SCML2: variants seen among roughly 807,000 people sequenced by gnomAD.
The protein encoded by SCML2 is Scm polycomb group protein like 2.
In SCML2, 6 loss-of-function variants were observed where a neutral mutation model predicts 48.4. The observed-to-expected ratio is 0.12, with a 90% confidence interval of 0.07 to 0.24. SCML2 has a LOEUF of 0.24. SCML2 is among the 10% of genes least tolerant of loss of function. The pLI is 1.00. For synonymous variants in SCML2, 181 were observed against 189.5 expected (o/e 0.95, Z 0.37); for missense variants, 377 against 528.2 (o/e 0.71, Z 2.81).
intron 7 of SCML2, among the ~76,000 whole-genome samples, chrX:18,292,143 T>C (rs1049701948): frequency 8.9e-6 from 1 of 111,877 alleles, no homozygotes; most frequent in Admixed American, 9.5e-5. Flanking sequence ...TGGAAAACAA[T>C]TGTTTTTTTA....
At chrX:18,333,691 A>G (rs1344713092) in intron 2 of SCML2, among the ~76,000 whole-genome samples, 1 of 112,196 alleles carries the variant, frequency 8.9e-6, no homozygotes, top group Non-Finnish European at 1.9e-5. Flanking sequence ...GAAGGAAGAT[A>G]CAACACAAAG....
At chrX:18,333,065 C>G (rs1021588461) in intron 2 of SCML2, among the ~76,000 whole-genome samples, 64 of 110,560 alleles carry the variant, frequency 5.8e-4, no homozygotes, top group African/African-American at 2.0e-3. Context: ...CACTTGAGGT[C>G]AGGAGTTCGA....
At chrX:18,334,207 G>T (rs1391743649) in intron 1 of SCML2, 112 bp from the exon 2 acceptor site, 1 of 502,204 alleles carries the variant, frequency 2.0e-6, no homozygotes, top group Non-Finnish European at 3.2e-6. Flanking sequence ...AAACAAAAAT[G>T]ATAAGATTTG....
rs780523423 is a variant in SCML2 at position 18,262,337 on chromosome X, CTT to C, written c.949-2048_949-2047del. Among the ~76,000 whole-genome samples the C allele has an allele frequency of 8.5e-3, 665 of 78,411 alleles. 12 individuals carry two copies. The highest frequency in any genetic ancestry group is 0.029 in the African/African-American group (516 of 18,092). 68.1% of individuals were successfully genotyped at this position (78,411 alleles called of 115,157 possible). A position where few individuals can be genotyped will look rare whatever the true frequency, so the allele number is the denominator to read the frequency against. On this transcript the variant is annotated intron_variant, in intron 8 of 14. Coordinates refer to ENST00000251900, the MANE Select transcript of SCML2 (RefSeq NM_006089.3). The stretch of plus-strand genomic sequence containing the variant: ...CCAGTATGTTTGGATCTGGGTCTAC[CTT>C]TTTTTTTTTTTTTTTTTTTGAGATG...
intron 7 of SCML2, among the ~76,000 whole-genome samples, chrX:18,299,137 A>G (rs904969000): frequency 2.7e-5 from 3 of 111,790 alleles, no homozygotes; most frequent in African/African-American, 9.7e-5. Context: ...ATATTTGTAA[A>G]CTATTTATCC....
intron 11 of SCML2, among the ~76,000 whole-genome samples, chrX:18,249,500 T>C (rs912400116): frequency 4.5e-5 from 5 of 111,239 alleles, no homozygotes; most frequent in Non-Finnish European, 9.4e-5. Flanking sequence ...AAATTAGAGC[T>C]TGTTCTGTGT....
chrX:18,337,658 C>A (rs1168756653), intron 1 of SCML2, among the ~76,000 whole-genome samples: 1 of 111,387 alleles, frequency 9.0e-6, no homozygotes, highest in East Asian at 2.8e-4. Context: ...TAGATAAATC[C>A]ACTATTATAG....
intron 7 of SCML2, among the ~76,000 whole-genome samples, chrX:18,282,672 C>T (rs368583421): frequency 3.0e-4 from 33 of 111,355 alleles, no homozygotes; most frequent in Admixed American, 1.3e-3. Context: ...CAAAACTCTA[C>T]ACACACAAAT....
At chrX:18,306,260 T>C (rs1253898791) in intron 6 of SCML2, among the ~76,000 whole-genome samples, 2 of 110,559 alleles carry the variant, frequency 1.8e-5, no homozygotes, top group Non-Finnish European at 3.8e-5. Context: ...CCTAGATTCA[T>C]CCCTTTCACT....
At chrX:18,354,208 G>T (rs1249683231) in intron 1 of SCML2, among the ~76,000 whole-genome samples, 2 of 113,203 alleles carry the variant, frequency 1.8e-5, no homozygotes, top group Middle Eastern at 4.3e-3. Flanking sequence ...CCTCCGCCCC[G>T]CCACCCACCG....
intron 14 of SCML2, among the ~76,000 whole-genome samples, chrX:18,242,103 C>CT (rs1363878030): frequency 9.0e-6 from 1 of 111,704 alleles, no homozygotes; most frequent in African/African-American, 3.3e-5. Flanking sequence ...TCAACCCCTC[C>CT]TACTCATGGT....
intron 7 of SCML2, among the ~76,000 whole-genome samples, chrX:18,271,642 C>T (rs1457178142): frequency 3.2e-4 from 35 of 109,895 alleles, no homozygotes; most frequent in Admixed American, 3.0e-3. Context: ...CTGGGGGATA[C>T]ATTCTGAGAT....
intron 11 of SCML2, among the ~76,000 whole-genome samples, chrX:18,249,083 T>C (rs776788380): frequency 2.6e-3 from 294 of 111,818 alleles, no homozygotes; most frequent in Non-Finnish European, 4.4e-3. Flanking sequence ...AGAGAAGCAC[T>C]TCCAGGATGA....
At chrX:18,322,270 A>G (rs1929345637) in intron 5 of SCML2, among the ~76,000 whole-genome samples, 1 of 112,462 alleles carries the variant, frequency 8.9e-6, no homozygotes, top group Admixed American at 9.5e-5. Flanking sequence ...TATACATTTC[A>G]TATTTTTAAA....
chrX:18,300,547 T>G (rs1418878604), intron 7 of SCML2, among the ~76,000 whole-genome samples: 1 of 110,672 alleles, frequency 9.0e-6, no homozygotes, highest in Non-Finnish European at 1.9e-5. Context: ...TCCCAGCACT[T>G]TGGGAGGCCA....
intron 6 of SCML2, among the ~76,000 whole-genome samples, chrX:18,315,224 A>G (rs1929084063): frequency 9.0e-6 from 1 of 110,615 alleles, no homozygotes; most frequent in Non-Finnish European, 1.9e-5. Context: ...GGAAAAACCA[A>G]CATGAGTCAA....
intron 2 of SCML2, among the ~76,000 whole-genome samples, chrX:18,331,567 A>G (rs1334133742): frequency 9.0e-6 from 1 of 111,588 alleles, no homozygotes; most frequent in Non-Finnish European, 1.9e-5. Context: ...CTTAAGCATA[A>G]TATTTCTATT....
intron 11 of SCML2, among the ~76,000 whole-genome samples, chrX:18,251,309 CAAAAAAAA>C (rs750658948): frequency 1.3e-3 from 9 of 6,765 alleles, no homozygotes; most frequent in African/African-American, 3.8e-3. Flanking sequence ...GATTCCATTG[CAAAAAAAA>C]AAAAAAAAAA....
chrX:18,343,923 TAAAAAAAAA>T (rs1203495780), intron 1 of SCML2, among the ~76,000 whole-genome samples: 1 of 53,351 alleles, frequency 1.9e-5, no homozygotes, highest in Admixed American at 2.5e-4. Context: ...TGCCTCTATT[TAAAAAAAAA>T]AAAAAAAAAA....
Sources: gnomAD v4.1 joint callset for allele counts (sites outside exome capture counted in the v4.1 genomes callset) on GRCh38, gnomAD v4.1.1 for gene constraint, MANE v1.5 for transcripts, NCBI Gene and HGNC (gene_info 2026-07-23, HGNC 2026-07-21) for gene names.